Variants in PLA2G4D observed in about 807,000 individuals in gnomAD.
PLA2G4D encodes the protein cytosolic phospholipase A2 delta.
A neutral mutation model predicts 94.4 loss-of-function variants in PLA2G4D; 80 were observed. That is an observed-to-expected ratio of 0.85 (90% CI 0.71 to 1.02). PLA2G4D has a LOEUF of 1.02. Among genes scored for constraint, PLA2G4D ranks in the 50% least tolerant of loss-of-function variants. The pLI is 0.00. For synonymous variants in PLA2G4D, 438 were observed against 440.9 expected, an observed-to-expected ratio of 0.99 and a Z score of 0.08; for missense variants, 1,050 against 1,034.7, an observed-to-expected ratio of 1.01 and a Z score of -0.20.
chr15:42,072,465 G>T, intron 13 of PLA2G4D, 73 bp from the exon 14 acceptor site: 1 of 1,204,108 alleles, frequency 8.3e-7, no homozygotes, highest in Non-Finnish European at 1.2e-6. Flanking sequence ...CCAGGACAGG[G>T]GCAGGATGGG....
intron 19 of PLA2G4D, 124 bp downstream of exon 19, chr15:42,069,785 T>C (rs957495473): frequency 9.1e-6 from 8 of 882,234 alleles, no homozygotes; most frequent in Non-Finnish European, 1.3e-5. Context: ...TGGGCCTGGA[T>C]GGGCCTAGCC....
In PLA2G4D at chr15:42,071,793, G is replaced by A. The variant is rs138680325; in HGVS notation, c.1554C>T (p.Pro518=). The change falls in exon 15 of 20, where the codon CCC becomes CCT. Residue 518 remains proline (P), a synonymous_variant. Coordinates refer to ENST00000290472, the MANE Select transcript of PLA2G4D (RefSeq NM_178034.4). ...MGRLMRRIPE[P]RICFLEAIWS... is the part of the protein sequence containing the mutation. ...CCTCACCTTCCAGAAAGCAGATCCG[G>A]GGCTCCGGGATCCTCCTCATCAGCC... 1 of 1,614,114 alleles carries A rather than the reference G, an allele frequency of 6.2e-7. No homozygotes were observed. Among genetic ancestry groups the A allele is most frequent in the South Asian group, 1.1e-5 (1 of 91,072 alleles).
In PLA2G4D at chr15:42,085,481, C is replaced by G. The variant is rs748629375; in HGVS notation, c.428+10G>C. 6.2e-7 allele frequency: 1 copy of G among 1,614,002 alleles called. No individual in the cohort carries two copies. Among genetic ancestry groups the G allele is most frequent in the Admixed American group, 1.7e-5 (1 of 60,016 alleles). On this transcript the variant is annotated intron_variant, in intron 5 of 19. Transcript: ENST00000290472. ...CTGAGACACTCCCTGGGCTGTGTGA[C>G]ATTACTCACGTTTCTTCCATCAGGA...
chr15:42,078,669 C>A (rs1345032165), intron 13 of PLA2G4D, among the ~76,000 whole-genome samples: 2 of 152,038 alleles, frequency 1.3e-5, no homozygotes, highest in Non-Finnish European at 2.9e-5. Context: ...TATTTTTATA[C>A]CCATTAACGA....
intron 1 of PLA2G4D, among the ~76,000 whole-genome samples, chr15:42,089,158 T>C (rs1030161017): frequency 2.6e-5 from 4 of 152,174 alleles, no homozygotes; most frequent in African/African-American, 9.7e-5. Context: ...ATCGCATAGC[T>C]GGGAGACTGT....
chr15:42,080,248 T>A (rs1890011950), intron 12 of PLA2G4D, among the ~76,000 whole-genome samples: 1 of 152,118 alleles, frequency 6.6e-6, no homozygotes, highest in Admixed American at 6.5e-5. Context: ...CCCACTCCCA[T>A]CTTCACGGTC....
rs749670140 is a variant in PLA2G4D at position 42,071,235 on chromosome 15, T to A, written c.1764A>T (p.Ala588=). 2.2e-5 allele frequency: 36 copies of A among 1,613,086 alleles called. No individual in the cohort carries two copies. Among genetic ancestry groups the A allele is most frequent in the Non-Finnish European group, 3.0e-5 (35 of 1,179,788 alleles). Residue 588 remains alanine (A), a synonymous_variant, in exon 17 of 20, where the codon GCA becomes GCT. Coordinates refer to ENST00000290472, the MANE Select transcript of PLA2G4D (RefSeq NM_178034.4). ...GCCTGCCTGTCAGGAAGCCTTTAAA[T>A]GCCTGGGCCAGCGCCGTGCCTGGCT... ...WLQPGTALAQ[A]FKGFLTGRPL...
chr15:42,088,960 C>T (rs1366994528), intron 1 of PLA2G4D, among the ~76,000 whole-genome samples: 1 of 152,176 alleles, frequency 6.6e-6, no homozygotes, highest in African/African-American at 2.4e-5. Flanking sequence ...TGCTGAACAA[C>T]CCAGAGACCA....
At chr15:42,077,673 TC>T (rs372012794) in intron 13 of PLA2G4D, among the ~76,000 whole-genome samples, 207 of 152,360 alleles carry the variant, frequency 1.4e-3, no homozygotes, top group Middle Eastern at 6.8e-3. Context: ...TTCCAATCCA[TC>T]CTGCCTACTG....
intron 2 of PLA2G4D, 75 bp from the exon 3 acceptor site, chr15:42,087,511 C>G: frequency 6.2e-7 from 1 of 1,607,750 alleles, no homozygotes; most frequent in East Asian, 2.2e-5. Context: ...AGTTTCCTAC[C>G]AAGACCCTGG....
Position 42,087,327 on chromosome 15 carries a change from G to A in PLA2G4D, c.228C>T (p.Phe76=), listed in dbSNP as rs746524570. 6.2e-7 allele frequency: 1 copy of A among 1,614,184 alleles called. No individual in the cohort carries two copies. The highest frequency in any genetic ancestry group is 1.7e-5 in the Admixed American group (1 of 60,024). The change falls in exon 3 of 20, where the codon TTC becomes TTT. Residue 76 remains phenylalanine (F), a synonymous_variant. Transcript: ENST00000290472. ...DTSHPVWNEA[F]RFLIQSQVKN... is the part of the protein sequence containing the mutation. The stretch of plus-strand genomic sequence containing the variant: ...TGACCTGACTTTGGATAAGGAAACG[G>A]AAGGCCTCATTCCACACAGGATGAC...
intron 4 of PLA2G4D, 50 bp downstream of exon 4, chr15:42,086,163 G>A (rs760013099): frequency 5.1e-5 from 77 of 1,521,270 alleles, no homozygotes; most frequent in Non-Finnish European, 6.5e-5. Flanking sequence ...TCCTCAGCTT[G>A]GAGTTGGAAG....
chr15:42,093,877 T>C (rs1379601578), intron 1 of PLA2G4D, among the ~76,000 whole-genome samples: 1 of 152,134 alleles, frequency 6.6e-6, no homozygotes. Context: ...TGGCAGAGGA[T>C]GAAAACTCTG....
At position 42,081,853 on chromosome 15, in the gene PLA2G4D, A is replaced by G. The variant is rs1346706539; in HGVS notation, c.784-19T>C. The G allele has an allele frequency of 2.5e-6, 4 of 1,611,650 alleles. No individual in the cohort carries two copies. Among genetic ancestry groups the G allele is most frequent in the Middle Eastern group, 3.3e-4 (2 of 6,052 alleles). ...CTGGGGCCTGAAATCAAAGCCAGAG[A>G]CTCTGCTCAGACCCTCCTAGACCCT... On this transcript the variant is annotated intron_variant, in intron 9 of 19. Transcript: ENST00000290472.
chr15:42,079,704 G>A lies in PLA2G4D; in HGVS notation c.1150C>T (p.Pro384Ser). Reference protein sequence around the residue: ...PEWSQRDLEGPIRYAREHLAK... With the variant: ...PEWSQRDLEGSIRYAREHLAK... ...AGGTGCTCCCGGGCGTATCTGATAGGTCCCTCCAGGTCCCTCTGCGACCAC... is the reference window on the plus strand; with the variant it reads ...AGGTGCTCCCGGGCGTATCTGATAGATCCCTCCAGGTCCCTCTGCGACCAC... The change falls in exon 13 of 20, where the codon CCT becomes TCT. Residue 384 changes from proline (P) to serine (S), a missense_variant. Physicochemically the swap from Pro to Ser is moderately conservative, Grantham distance 74. Transcript: ENST00000290472. The A allele has an allele frequency of 6.2e-7, 1 of 1,608,148 alleles. No individual in the cohort carries two copies. Among genetic ancestry groups the A allele is most frequent in the Non-Finnish European group, 8.5e-7 (1 of 1,178,148 alleles).
In PLA2G4D at chr15:42,084,244, G is replaced by A. The variant is rs982690439; in HGVS notation, c.472-465C>T. On this transcript the variant is annotated intron_variant, in intron 6 of 19. Transcript: ENST00000290472. The surrounding 1 kb of genome is among the most constrained non-coding windows in gnomAD (Gnocchi z 4.8). ...AACTGGGGGACAATGACAAGGCCAG[G>A]CCCCCGTGGCCTTGCCAAGGGAGCC... 2.0e-5 allele frequency among the ~76,000 whole-genome samples: 3 copies of A among 152,066 alleles called. No individual in the cohort carries two copies. The highest frequency in any genetic ancestry group is 2.1e-4 in the South Asian group (1 of 4,824).
intron 14 of PLA2G4D, 115 bp from the exon 15 acceptor site, chr15:42,072,026 G>T: frequency 7.4e-7 from 1 of 1,353,626 alleles, no homozygotes; most frequent in Non-Finnish European, 1.0e-6. Flanking sequence ...GCTGTGCCTG[G>T]CACCAATGCA....
chr15:42,091,867 A>G (rs140181317), intron 1 of PLA2G4D, among the ~76,000 whole-genome samples: 17,244 of 151,942 alleles, frequency 0.11, 1,120 homozygotes, highest in Middle Eastern at 0.17. Context: ...TGCCTCGGCT[A>G]CCAGGCAGGG....
At position 42,068,793 on chromosome 15, in the gene PLA2G4D, C is replaced by G; in HGVS notation, c.2379G>C (p.Gln793His). 2 of 1,613,520 alleles carry G rather than the reference C, an allele frequency of 1.2e-6. No individual in the cohort carries two copies. The highest frequency in any genetic ancestry group is 1.7e-6 in the Non-Finnish European group (2 of 1,179,762). ...TCCTCAGGGCCTGCAGGATGGCACC[C>G]TGGCTGGTCTGCACGTTGTAGTCAC... Reference protein sequence around the residue: ...RLSDYNVQTSQGAILQALRTA... With the variant: ...RLSDYNVQTSHGAILQALRTA... The change falls in exon 20 of 20, where the codon CAG becomes CAC. Residue 793 changes from glutamine to histidine, a missense_variant. Physicochemically the swap from Gln to His is conservative, Grantham distance 24. Coordinates refer to ENST00000290472, the MANE Select transcript of PLA2G4D (RefSeq NM_178034.4).
Sources: gnomAD v4.1 joint callset for allele counts (sites outside exome capture counted in the v4.1 genomes callset) on GRCh38, gnomAD v4.1.1 for gene constraint, Gnocchi (gnomAD v3.1) non-coding constraint, MANE v1.5 for transcripts, NCBI Gene and HGNC (gene_info 2026-07-23, HGNC 2026-07-21) for gene names.